The following MYOF variants were observed in gnomAD, a reference collection of about 807,000 sequenced individuals.
MYOF encodes myoferlin.
In MYOF, 244 loss-of-function variants were observed where a neutral mutation model predicts 284.2. That is an observed-to-expected ratio of 0.86 (90% confidence interval 0.77 to 0.95). The LOEUF (loss-of-function observed/expected upper bound fraction) is 0.95, where lower values mean the gene tolerates loss of function less well. Ranked by LOEUF, MYOF falls within the 40% of genes least tolerant of loss-of-function variation. The pLI is 0.00. For synonymous variants in MYOF, 904 were observed against 919.7 expected (o/e 0.98, Z 0.31); for missense variants, 2,496 against 2,560.6 (o/e 0.97, Z 0.54).
At chr10:93,307,198 C>CG (rs1252950133) in intron 53 of MYOF, among the ~76,000 whole-genome samples, 197 bp from the exon 54 acceptor site, 1 of 151,424 alleles carries the variant, frequency 6.6e-6, no homozygotes, top group Admixed American at 6.6e-5. Context: ...ACCCCCCCGC[C>CG]AAGTTGTTGC....
At chr10:93,407,124 G>T (rs555606195) in intron 7 of MYOF, among the ~76,000 whole-genome samples, 1 of 152,102 alleles carries the variant, frequency 6.6e-6, no homozygotes, top group African/African-American at 2.4e-5. Context: ...AGTAGAACAG[G>T]CTAAGTTCTC....
At chr10:93,345,054 C>G (rs1250706158) in intron 37 of MYOF, among the ~76,000 whole-genome samples, 1 of 152,086 alleles carries the variant, frequency 6.6e-6, no homozygotes, top group Non-Finnish European at 1.5e-5. Context: ...GAGGAAGCAC[C>G]AAACAGGAAG....
intron 5 of MYOF, among the ~76,000 whole-genome samples, chr10:93,411,294 G>A (rs527763930): frequency 2.6e-5 from 4 of 152,314 alleles, no homozygotes; most frequent in African/African-American, 9.6e-5. Context: ...CGGATTCAGT[G>A]TCTGGTGAGG....
intron 3 of MYOF, among the ~76,000 whole-genome samples, chr10:93,435,303 G>C (rs1303721229): frequency 6.6e-6 from 1 of 152,152 alleles, no homozygotes; most frequent in Non-Finnish European, 1.5e-5. Flanking sequence ...GGCCAGCCTG[G>C]GGTTGGACCA....
chr10:93,424,898 T>G (rs1390271662), intron 5 of MYOF, among the ~76,000 whole-genome samples: 1 of 145,754 alleles, frequency 6.9e-6, no homozygotes, highest in Non-Finnish European at 1.5e-5. Flanking sequence ...CAGCAACAAG[T>G]GCAGGACTTC....
intron 1 of MYOF, among the ~76,000 whole-genome samples, chr10:93,476,688 A>G (rs902715583): frequency 2.6e-5 from 4 of 152,170 alleles, no homozygotes; most frequent in Non-Finnish European, 5.9e-5. Flanking sequence ...ATAAGCCATT[A>G]CAGCCCCATT....
chr10:93,422,050 G>A (rs1377852429), intron 5 of MYOF, among the ~76,000 whole-genome samples: 1 of 151,636 alleles, frequency 6.6e-6, no homozygotes, highest in African/African-American at 2.4e-5. Context: ...AACAAAGGCA[G>A]CACTTCCAGA....
At position 93,356,781 on chromosome 10, in the gene MYOF, C is replaced by T; in HGVS notation, c.3188G>A (p.Trp1063Ter). 6.2e-7 allele frequency: 1 copy of T among 1,614,152 alleles called. No individual in the cohort carries two copies. The highest frequency in any genetic ancestry group is 1.1e-5 in the South Asian group (1 of 91,084). ...GAAGGTATCTGAACTACGTTGTTTC[C>T]AGTGAAATTTCCAGCCAATTAGAGA... is the stretch of plus-strand genomic sequence containing the variant. ...YASLIGWKFH[W>*]KQRSSDTFRR... is the part of the protein sequence containing the mutation. The change falls in exon 30 of 54, where the codon TGG becomes TAG. Residue 1063 changes from tryptophan (W) to a stop codon, truncating the protein, a stop_gained. Coordinates refer to ENST00000359263, the MANE Select transcript of MYOF (RefSeq NM_013451.4). LOFTEE classifies it high-confidence loss of function.
chr10:93,380,724 C>T (rs182557508), intron 20 of MYOF, among the ~76,000 whole-genome samples: 62 of 152,282 alleles, frequency 4.1e-4, no homozygotes, highest in African/African-American at 1.3e-3. Context: ...ATTTAATCCT[C>T]ATGTCAACTC....
chr10:93,437,427 C>T (rs1262209795), intron 3 of MYOF, among the ~76,000 whole-genome samples: 2 of 152,092 alleles, frequency 1.3e-5, no homozygotes, highest in East Asian at 3.9e-4. Flanking sequence ...GGGGAGCTCA[C>T]GTATACGAAG....
At chr10:93,369,461 G>C (rs756974490) in intron 25 of MYOF, among the ~76,000 whole-genome samples, 184 bp downstream of exon 25, 29 of 152,072 alleles carry the variant, frequency 1.9e-4, no homozygotes, top group Non-Finnish European at 3.2e-4. Context: ...TTCCAATGTT[G>C]ACTATAAAAT....
chr10:93,336,737 G>C (rs533195713), intron 40 of MYOF, among the ~76,000 whole-genome samples: 3 of 151,690 alleles, frequency 2.0e-5, no homozygotes, highest in African/African-American at 7.3e-5. Flanking sequence ...AATTTAAAAA[G>C]CAAGAAGGGA....
chr10:93,476,097 T>G (rs2043250709), intron 1 of MYOF, among the ~76,000 whole-genome samples: 1 of 152,102 alleles, frequency 6.6e-6, no homozygotes, highest in Non-Finnish European at 1.5e-5. Context: ...AGTAGTGTGA[T>G]TATCAGTTTG....
intron 20 of MYOF, among the ~76,000 whole-genome samples, chr10:93,380,841 C>T (rs1377637358): frequency 6.6e-6 from 1 of 152,164 alleles, no homozygotes; most frequent in Non-Finnish European, 1.5e-5. Flanking sequence ...AGTAGCTGAT[C>T]CAGAGTCCCA....
chr10:93,351,931 T>G (rs992108119), intron 32 of MYOF, 85 bp from the exon 33 acceptor site: 1 of 1,271,616 alleles, frequency 7.9e-7, no homozygotes, highest in African/African-American at 1.5e-5. Flanking sequence ...ATTCTTTTCC[T>G]CTGGATATAA....
chr10:93,415,750 T>TGTTGCTA (rs2134150845), intron 5 of MYOF, among the ~76,000 whole-genome samples: 2 of 152,346 alleles, frequency 1.3e-5, no homozygotes, highest in Non-Finnish European at 2.9e-5. Context: ...TCCTATCTCC[T>TGTTGCTA]GTTGCTACTT....
chr10:93,397,213 T>C lies in MYOF; in HGVS notation c.1334+34A>G, dbSNP rs540472663. 4.9e-5 allele frequency: 73 copies of C among 1,486,686 alleles called. No individual in the cohort carries two copies. In the African/African-American group the frequency reaches 8.8e-4, roughly 18 times the overall value. 92.1% of individuals were successfully genotyped at this position (1,486,686 alleles called of 1,614,324 possible). A position where few individuals can be genotyped will look rare whatever the true frequency, so the allele number is the denominator to read the frequency against. On this transcript the variant is annotated intron_variant, in intron 15 of 53. Transcript: ENST00000359263. ...TTCACAATATCCAATGTTTATTTTA[T>C]GTTGAATTAGACACATACGTATTTT...
At chr10:93,377,729 C>T (rs1845899696) in intron 21 of MYOF, among the ~76,000 whole-genome samples, 1 of 151,444 alleles carries the variant, frequency 6.6e-6, no homozygotes, top group African/African-American at 2.4e-5. Flanking sequence ...AACCCATAAA[C>T]ATATTGAACT....
At chr10:93,377,118 G>C (rs1349284233) in intron 22 of MYOF, among the ~76,000 whole-genome samples, 1 of 152,152 alleles carries the variant, frequency 6.6e-6, no homozygotes, top group East Asian at 1.9e-4. Flanking sequence ...TAGGCTACTT[G>C]AGAACTGGCA....
Sources: gnomAD v4.1 joint callset for allele counts (sites outside exome capture counted in the v4.1 genomes callset) on GRCh38, gnomAD v4.1.1 for gene constraint, MANE v1.5 for transcripts, NCBI Gene and HGNC (gene_info 2026-07-23, HGNC 2026-07-21) for gene names.